The following CAST variants were observed in gnomAD, a reference collection of about 807,000 sequenced individuals.
The protein encoded by CAST is MIR583 host.
A neutral mutation model predicts 119.6 loss-of-function variants in CAST; 76 were observed. The observed-to-expected ratio is 0.64, with a 90% CI of 0.53 to 0.77. CAST has a LOEUF of 0.77. CAST is among the 30% of genes least tolerant of loss of function. The probability of loss-of-function intolerance (pLI) is 0.00; values close to 1 mark genes in which losing one functional copy is unlikely to be tolerated. For missense variants in CAST, 953 were observed against 946.5 expected (o/e 1.01, Z -0.09); for synonymous variants, 319 against 331.6 (o/e 0.96, Z 0.41).
the CAST span, among the ~76,000 whole-genome samples, chr5:96,342,519 G>A: frequency 7.3e-3 from 1,107 of 152,280 alleles, 13 homozygotes; most frequent in African/African-American, 0.026. Context: ...CTTAGAAGAC[G>A]CATTGCTGCC....
At chr5:96,500,280 G>T in the CAST span, among the ~76,000 whole-genome samples, 1 of 152,180 alleles carries the variant, frequency 6.6e-6, no homozygotes, top group African/African-American at 2.4e-5. Context: ...CCTTCAATTT[G>T]TAAAAAATGC....
At chr5:96,376,731 T>C in the CAST span, among the ~76,000 whole-genome samples, 1 of 152,326 alleles carries the variant, frequency 6.6e-6, no homozygotes, top group South Asian at 2.1e-4. Context: ...TTTGCCACCA[T>C]ACCCAGCCCC....
the CAST span, among the ~76,000 whole-genome samples, chr5:96,499,576 T>A: frequency 6.6e-6 from 1 of 152,236 alleles, no homozygotes; most frequent in Non-Finnish European, 1.5e-5. Context: ...CTGAGGTGGC[T>A]GTGGCAATTT....
the CAST span, among the ~76,000 whole-genome samples, chr5:96,251,738 T>C: frequency 6.6e-6 from 1 of 152,050 alleles, no homozygotes; most frequent in Non-Finnish European, 1.5e-5. Flanking sequence ...TCAAGGGCCT[T>C]GTTGACTAAG....
At position 96,740,040 on chromosome 5, in the gene CAST, T is replaced by G; in HGVS notation, c.801T>G (p.Asp267Glu). ...CTATGTGTATGATTTTGTTCCAGGA[T>G]CCAATGAGTTCCACCTACATAGAGG... ...NTTYTGPEVS[D>E]PMSSTYIEEL... Residue 267 changes from aspartate to glutamate, a missense_variant and splice_region_variant, in exon 12 of 32, where the codon GAT becomes GAG. Asp to Glu is a conservative substitution (Grantham distance 45, BLOSUM62 2). Transcript: ENST00000675179. The G allele has an allele frequency of 6.6e-7, 1 of 1,525,596 alleles. No homozygotes were observed. Among genetic ancestry groups the G allele is most frequent in the South Asian group, 1.2e-5 (1 of 84,730 alleles). The allele number at this position is 1,525,596 out of a possible 1,614,324, so 94.5% of individuals were successfully genotyped here.
At chr5:95,963,880 A>C in the CAST span, among the ~76,000 whole-genome samples, 14 of 152,290 alleles carry the variant, frequency 9.2e-5, no homozygotes, top group South Asian at 4.1e-4. Flanking sequence ...CACCCACATG[A>C]TATCCTAACT....
At chr5:96,610,792 C>G (rs1427004039) in intron 1 of CAST, among the ~76,000 whole-genome samples, 1 of 152,148 alleles carries the variant, frequency 6.6e-6, no homozygotes, top group African/African-American at 2.4e-5. Flanking sequence ...ACAAAAGAAT[C>G]CCAGACCTGA....
At chr5:96,034,511 G>GCACACACACACAAA in the CAST span, among the ~76,000 whole-genome samples, 2 of 65,664 alleles carry the variant, frequency 3.0e-5, no homozygotes, top group South Asian at 5.6e-4. Context: ...ACACACATAT[G>GCACACACACACAAA]TGTGTGTGTA....
At chr5:96,093,920 G>A in the CAST span, among the ~76,000 whole-genome samples, 2 of 152,168 alleles carry the variant, frequency 1.3e-5, no homozygotes, top group African/African-American at 4.8e-5. Flanking sequence ...TCCATTCCCT[G>A]CAAAGATTAG....
At chr5:96,583,769 T>C (rs1300423966) in intron 1 of CAST, among the ~76,000 whole-genome samples, 1 of 152,236 alleles carries the variant, frequency 6.6e-6, no homozygotes, top group Non-Finnish European at 1.5e-5. Context: ...TCTATTTATG[T>C]CATATACTCG....
chr5:96,629,779 G>T (rs1747791746), intron 1 of CAST, among the ~76,000 whole-genome samples: 1 of 152,198 alleles, frequency 6.6e-6, no homozygotes, highest in Admixed American at 6.5e-5. Context: ...TGGGAGAAAT[G>T]TTTTCTTCAT....
At chr5:96,131,313 TG>T in the CAST span, among the ~76,000 whole-genome samples, 1 of 152,098 alleles carries the variant, frequency 6.6e-6, no homozygotes, top group African/African-American at 2.4e-5. Context: ...ACCCTTTCTA[TG>T]TGCCTCTAAG....
chr5:96,560,609 C>G (rs1746340558), intron 1 of CAST, among the ~76,000 whole-genome samples: 1 of 152,214 alleles, frequency 6.6e-6, no homozygotes, highest in Non-Finnish European at 1.5e-5. Flanking sequence ...AATTGCTCAT[C>G]ATTACTGGCA....
In CAST at chr5:96,770,575, T is replaced by G; in HGVS notation, c.2313T>G (p.Asn771Lys). The G allele has an allele frequency of 6.2e-7, 1 of 1,612,904 alleles. No individual in the cohort carries two copies. The highest frequency in any genetic ancestry group is 8.5e-7 in the Non-Finnish European group (1 of 1,179,086). ...CTTCCAGCTCCAAAGCACCTAAGAA[T>G]GGAGGTAAAGCGAAGGATTCAGCAA... is the stretch of plus-strand genomic sequence containing the variant. ...KAASSSKAPK[N>K]GGKAKDSAKT... The change falls in exon 30 of 32, where the codon AAT becomes AAG. Residue 771 changes from asparagine to lysine, a missense_variant. By Grantham distance (94) the Asn-to-Lys change is moderately conservative. Coordinates refer to ENST00000675179, the MANE Select transcript of CAST (RefSeq NM_001750.7).
At chr5:96,300,071 T>C in the CAST span, among the ~76,000 whole-genome samples, 3 of 152,182 alleles carry the variant, frequency 2.0e-5, no homozygotes, top group Non-Finnish European at 2.9e-5. Flanking sequence ...CTCTTGATGC[T>C]GTTGTTTCCT....
chr5:96,203,832 C>T, the CAST span, among the ~76,000 whole-genome samples: 108,035 of 151,862 alleles, frequency 0.71, 38,609 homozygotes, highest in Admixed American at 0.77. Context: ...GAAGTACCTA[C>T]GTTCCCCAAA....
chr5:96,605,556 T>C (rs1418119241), intron 1 of CAST, among the ~76,000 whole-genome samples: 1 of 152,196 alleles, frequency 6.6e-6, no homozygotes, highest in Admixed American at 6.5e-5. Context: ...ATTAGATGTA[T>C]AAAACGTTGC....
the CAST span, among the ~76,000 whole-genome samples, chr5:96,493,950 G>T: frequency 1.3e-5 from 2 of 152,122 alleles, no homozygotes; most frequent in Non-Finnish European, 2.9e-5. Context: ...CAGGAGAATC[G>T]CTTGAACCTG....
intron 9 of CAST, among the ~76,000 whole-genome samples, chr5:96,734,767 G>C (rs186532609): frequency 8.9e-4 from 135 of 152,298 alleles, no homozygotes; most frequent in African/African-American, 3.2e-3. Context: ...ATTGGCAGGA[G>C]TACAGATAGA....
Sources: gnomAD v4.1 joint callset for allele counts (sites outside exome capture counted in the v4.1 genomes callset) on GRCh38, gnomAD v4.1.1 for gene constraint, MANE v1.5 for transcripts, NCBI Gene and HGNC (gene_info 2026-07-23, HGNC 2026-07-21) for gene names.